EZH1: variants seen among roughly 807,000 people sequenced by gnomAD.
EZH1 encodes the protein enhancer of zeste 1 polycomb repressive complex 2 subunit, also known as histone-lysine N-methyltransferase EZH1.
A neutral mutation model predicts 100.5 loss-of-function variants in EZH1; 33 were observed. The ratio of observed to expected loss-of-function variants is 0.33; its 90% CI spans 0.25 to 0.44. EZH1 has a LOEUF of 0.44. Among genes scored for constraint, EZH1 ranks in the 20% least tolerant of loss-of-function variants. The pLI, the probability that EZH1 is intolerant of heterozygous loss-of-function variation, is 1.00. For missense variants in EZH1, 475 were observed against 928.4 expected (o/e 0.51, Z 6.35); for synonymous variants, 272 against 313.8 (o/e 0.87, Z 1.41).
At chr17:42,742,803 A>G (rs953160664) in intron 1 of EZH1, among the ~76,000 whole-genome samples, 3 of 152,134 alleles carry the variant, frequency 2.0e-5, no homozygotes, top group African/African-American at 7.2e-5. Context: ...CAATGATAGC[A>G]TTATTACAGT....
At position 42,710,628 on chromosome 17, in the gene EZH1, TG is replaced by T. The variant is rs369363130; in HGVS notation, c.1402-692del. The stretch of plus-strand genomic sequence containing the variant: ...TTCAGCTCATGGTTCTGTTTTTGTT[TG>T]TTTTTTTTTTTTTTTTTTAAGAGAG... On this transcript the variant is annotated intron_variant, in intron 12 of 20. Transcript: ENST00000428826. Among the ~76,000 whole-genome samples the T allele has an allele frequency of 1.2e-3, 182 of 145,954 alleles. 16 individuals carry two copies. The highest frequency in any genetic ancestry group is 1.6e-3 in the African/African-American group (63 of 40,018).
intron 1 of EZH1, 127 bp downstream of exon 1, chr17:42,744,884 C>G (rs2054251332): frequency 2.9e-6 from 3 of 1,029,008 alleles, no homozygotes; most frequent in Non-Finnish European, 3.8e-6. Flanking sequence ...CCCGGCCAGG[C>G]AGGCAGTGTG....
chr17:42,705,189 G>A lies in EZH1; in HGVS notation c.1840-6C>T. 3 of 1,606,396 alleles carry A rather than the reference G, an allele frequency of 1.9e-6. No individual in the cohort carries two copies. Among genetic ancestry groups the A allele is most frequent in the Non-Finnish European group, 1.7e-6 (2 of 1,174,436 alleles). Reference sequence around the variant, plus strand: ...GAGGGGGCCAGCAGCAGGTGCTGGGGAAGAGGGGGCCAAGTCTCAGACTAC... The same window carrying A: ...GAGGGGGCCAGCAGCAGGTGCTGGGAAAGAGGGGGCCAAGTCTCAGACTAC... On this transcript the variant is annotated splice_polypyrimidine_tract_variant and splice_region_variant and intron_variant, in intron 16 of 20. Coordinates refer to ENST00000428826, the MANE Select transcript of EZH1 (RefSeq NM_001991.5).
At chr17:42,740,277 G>A (rs976866407) in intron 1 of EZH1, among the ~76,000 whole-genome samples, 1 of 143,174 alleles carries the variant, frequency 7.0e-6, no homozygotes, top group Non-Finnish European at 1.5e-5. Context: ...GTCTTGCTCT[G>A]TTGCCAGGCT....
rs116854569 is a variant in EZH1 at position 42,735,957 on chromosome 17, C to T, written c.-102-5039G>A. ...CCAAAATCGTGCCACTGCACTCCAA[C>T]CTGGGAGACAGCGAGACTCCGTCTC... On this transcript the variant is annotated intron_variant, in intron 1 of 20. Coordinates refer to ENST00000428826, the MANE Select transcript of EZH1 (RefSeq NM_001991.5). Among the ~76,000 whole-genome samples, 1,448 of 152,216 alleles carry T rather than the reference C, an allele frequency of 9.5e-3. 7 individuals carry two copies. The highest frequency in any genetic ancestry group is 0.034 in the Middle Eastern group (10 of 294).
At chr17:42,737,360 G>A (rs1227423750) in intron 1 of EZH1, among the ~76,000 whole-genome samples, 2 of 152,222 alleles carry the variant, frequency 1.3e-5, no homozygotes, top group Non-Finnish European at 2.9e-5. Context: ...CAACACTTTT[G>A]GAGGCTGAGG....
intron 5 of EZH1, 105 bp from the exon 6 acceptor site, chr17:42,723,020 GA>G (rs2053745986): frequency 6.9e-7 from 1 of 1,442,664 alleles, no homozygotes; most frequent in Admixed American, 2.4e-5. Flanking sequence ...TGAGTCTCCT[GA>G]AAATGCCTTT....
chr17:42,718,599 C>T lies in EZH1; in HGVS notation c.786G>A (p.Glu262=). The change falls in exon 9 of 21, where the codon GAG becomes GAA. Residue 262 remains glutamate (E), a synonymous_variant. Transcript: ENST00000428826. The surrounding 1 kb of genome is among the most constrained non-coding windows in gnomAD (Gnocchi z 4.2). ...DMKERYRELT[E]MSDPNALPPQ... is the part of the protein sequence containing the mutation. Reference sequence around the variant, plus strand: ...GGGGAAGTGCATTGGGGTCTGACATCTCTGTTAGTTCTCGATACCTATTTA... The same window carrying T: ...GGGGAAGTGCATTGGGGTCTGACATTTCTGTTAGTTCTCGATACCTATTTA... 2 of 1,614,152 alleles carry T rather than the reference C, an allele frequency of 1.2e-6. No homozygotes were observed. Among genetic ancestry groups the T allele is most frequent in the Non-Finnish European group, 1.7e-6 (2 of 1,180,022 alleles).
chr17:42,704,582 G>C lies in EZH1; in HGVS notation c.2017+20C>G. 1 of 1,580,968 alleles carries C rather than the reference G, an allele frequency of 6.3e-7. No individual in the cohort carries two copies. ...AAAAAAAAAAAGACCACCTTGGGATGAGACAAAGTGACTTCATACCATTAT... is the reference window on the plus strand; with the variant it reads ...AAAAAAAAAAAGACCACCTTGGGATCAGACAAAGTGACTTCATACCATTAT... On this transcript the variant is annotated intron_variant, in intron 18 of 20. Coordinates refer to ENST00000428826, the MANE Select transcript of EZH1 (RefSeq NM_001991.5).
chr17:42,724,241 C>A, intron 5 of EZH1, 64 bp downstream of exon 5: 2 of 1,589,088 alleles, frequency 1.3e-6, no homozygotes, highest in South Asian at 1.1e-5. Context: ...AAGAGGAGCT[C>A]TGGCATATCA....
chr17:42,727,771 A>C lies in EZH1; in HGVS notation c.118-8T>G, dbSNP rs779488457. The C allele has an allele frequency of 6.3e-7, 1 of 1,583,478 alleles. No homozygotes were observed. The highest frequency in any genetic ancestry group is 1.2e-5 in the South Asian group (1 of 85,134). On this transcript the variant is annotated splice_polypyrimidine_tract_variant and splice_region_variant and intron_variant, in intron 3 of 20. Coordinates refer to ENST00000428826, the MANE Select transcript of EZH1 (RefSeq NM_001991.5). ...ATTTGCCACATACAAAGCCTAGCAA[A>C]GCCATGGAAAAGATTAAGATATATT...
At chr17:42,715,132 T>A (rs1212034310) in intron 10 of EZH1, among the ~76,000 whole-genome samples, 7 of 140,890 alleles carry the variant, frequency 5.0e-5, no homozygotes, top group African/African-American at 1.8e-4. Context: ...ATAGATTATA[T>A]GTATTTATAT....
chr17:42,722,927 C>A lies in EZH1; in HGVS notation c.367-12G>T, dbSNP rs1171729136. ...GTCTCATCTTCTACCTGAAACCAAA[C>A]CAGATGTGATTTATTCCATGAAGCC... On this transcript the variant is annotated splice_polypyrimidine_tract_variant and intron_variant, in intron 5 of 20. Transcript: ENST00000428826. The A allele has an allele frequency of 1.2e-6, 2 of 1,611,502 alleles. No homozygotes were observed. The highest frequency in any genetic ancestry group is 1.7e-6 in the Non-Finnish European group (2 of 1,179,098).
intron 4 of EZH1, among the ~76,000 whole-genome samples, chr17:42,725,636 T>C (rs2053804148): frequency 6.6e-6 from 1 of 152,056 alleles, no homozygotes; most frequent in Non-Finnish European, 1.5e-5. Context: ...GCACAGTACT[T>C]CCCATACTCA....
rs2053844588 is a variant in EZH1, at chr17:42,727,536, C to A, written c.246+99G>T. 2.8e-6 allele frequency: 4 copies of A among 1,419,798 alleles called. No individual in the cohort carries two copies. The Admixed American group carries it at 8.4e-5, about 30-fold the overall frequency. The allele number at this position is 1,419,798 out of a possible 1,614,324, so 88.0% of individuals were successfully genotyped here. On this transcript the variant is annotated intron_variant, in intron 4 of 20. Coordinates refer to ENST00000428826, the MANE Select transcript of EZH1 (RefSeq NM_001991.5). ...GGGAATACTTGTGTGAGCCACCATA[C>A]CTTGTCTTACTTATTCACTTTCTAA...
intron 1 of EZH1, among the ~76,000 whole-genome samples, chr17:42,734,666 CAAAAAA>C (rs61706510): frequency 1.4e-5 from 1 of 70,046 alleles, no homozygotes; most frequent in African/African-American, 3.8e-5. Flanking sequence ...GAGGCCTTGT[CAAAAAA>C]AAAAAAAAAA....
chr17:42,720,471 G>A (rs750962126), intron 6 of EZH1, 22 bp from the exon 7 acceptor site: 1 of 1,595,386 alleles, frequency 6.3e-7, no homozygotes, highest in Admixed American at 1.8e-5. Context: ...GGATTCGAAA[G>A]ATGAGCAGTG....
rs140835600 is a variant in EZH1, at chr17:42,706,383, C to T, written c.1661-198G>A. On this transcript the variant is annotated intron_variant, in intron 15 of 20. Transcript: ENST00000428826. This position sits in a 1 kb window ranked among gnomAD's most constrained non-coding sequence, Gnocchi z 4.4. ...GAGTGCTTCCCAACATTCATGCCTT[C>T]GAGTCAAAAAAGCAGGTGTGGTCAA... Among the ~76,000 whole-genome samples, 93 of 152,058 alleles carry T rather than the reference C, an allele frequency of 6.1e-4. No individual in the cohort carries two copies. Among genetic ancestry groups the T allele is most frequent in the African/African-American group, 2.0e-3 (84 of 41,508 alleles).
rs181096304 is a variant in EZH1, at chr17:42,725,799, T to C, written c.247-1375A>G. Among the ~76,000 whole-genome samples the C allele has an allele frequency of 3.8e-3, 574 of 152,354 alleles. 6 individuals carry two copies. Among genetic ancestry groups the C allele is most frequent in the African/African-American group, 0.012 (516 of 41,580 alleles). The stretch of plus-strand genomic sequence containing the variant: ...TTAGCTGCATAGGTGATAGGGATAG[T>C]ACATGGAGAAGCAAAGTGGTATAGA... On this transcript the variant is annotated intron_variant, in intron 4 of 20. Coordinates refer to ENST00000428826, the MANE Select transcript of EZH1 (RefSeq NM_001991.5).
Sources: allele counts gnomAD v4.1 joint callset (sites outside exome capture counted in the v4.1 genomes callset), GRCh38; gene constraint gnomAD v4.1.1; non-coding constraint Gnocchi (gnomAD v3.1); transcripts MANE v1.5; gene names NCBI Gene and HGNC (gene_info 2026-07-23, HGNC 2026-07-21).